Variants in ATXN1 observed in about 807,000 individuals in gnomAD.
The protein encoded by ATXN1 is ataxin-1.
A neutral mutation model predicts 56.4 loss-of-function variants in ATXN1; 8 were observed. The ratio of observed to expected loss-of-function variants is 0.14; its 90% CI spans 0.08 to 0.26. The LOEUF (loss-of-function observed/expected upper bound fraction) is 0.26. Among genes scored for constraint, ATXN1 ranks in the 10% least tolerant of loss-of-function variants. ATXN1 has a pLI of 1.00. For synonymous variants in ATXN1, 514 were observed against 494.6 expected, an observed-to-expected ratio of 1.04 and a Z score of -0.52; for missense variants, 987 against 1,106.5, an observed-to-expected ratio of 0.89 and a Z score of 1.53.
At chr6:16,628,616 C>T (rs1171615559) in intron 3 of ATXN1, among the ~76,000 whole-genome samples, 2 of 152,178 alleles carry the variant, frequency 1.3e-5, no homozygotes, top group African/African-American at 4.8e-5. Flanking sequence ...CTTCCTCCTC[C>T]ACCCTCTACC....
chr6:16,698,938 T>G (rs1369001959), intron 2 of ATXN1, among the ~76,000 whole-genome samples: 1 of 152,242 alleles, frequency 6.6e-6, no homozygotes, highest in Non-Finnish European at 1.5e-5. Context: ...TCAACTAAGC[T>G]AATTTTTTAA....
At chr6:16,334,892 C>A (rs148345549) in intron 6 of ATXN1, among the ~76,000 whole-genome samples, 1 of 152,228 alleles carries the variant, frequency 6.6e-6, no homozygotes, top group Non-Finnish European at 1.5e-5. Flanking sequence ...TGAGTAACAG[C>A]TGAGACAACT....
rs1216730632 is a variant in ATXN1 at position 16,304,145 on chromosome 6, C to A, written c.*2184G>T. On this transcript the variant is annotated 3_prime_UTR_variant, in exon 8 of 8. Coordinates refer to ENST00000436367, the MANE Select transcript of ATXN1 (RefSeq NM_001128164.2). ...ACCCTAAATGTAAATGAATACTAGACAGCCAAAATGTGGGTTGATACCAGA... is the reference window on the plus strand; with the variant it reads ...ACCCTAAATGTAAATGAATACTAGAAAGCCAAAATGTGGGTTGATACCAGA... 1 of 152,320 alleles carries A rather than the reference C, an allele frequency of 6.6e-6. No individual in the cohort carries two copies. Among genetic ancestry groups the A allele is most frequent in the Non-Finnish European group, 1.5e-5 (1 of 68,008 alleles). 9.4% of individuals were successfully genotyped at this position (152,320 alleles called of 1,614,324 possible).
intron 6 of ATXN1, among the ~76,000 whole-genome samples, chr6:16,415,848 G>A (rs1223992168): frequency 1.3e-5 from 2 of 152,154 alleles, no homozygotes; most frequent in African/African-American, 2.4e-5. Flanking sequence ...TCATGCTGTA[G>A]GTAGGGAACA....
chr6:16,495,689 C>T (rs1341652508), intron 5 of ATXN1, among the ~76,000 whole-genome samples: 1 of 151,944 alleles, frequency 6.6e-6, no homozygotes, highest in Non-Finnish European at 1.5e-5. Flanking sequence ...ATGGTGAAAC[C>T]CTGTCTCTAC....
chr6:16,548,658 G>A (rs1426011130), intron 4 of ATXN1, among the ~76,000 whole-genome samples: 1 of 151,844 alleles, frequency 6.6e-6, no homozygotes, highest in East Asian at 1.9e-4. Flanking sequence ...GAGCAGTGGT[G>A]CACACCTGTA....
intron 6 of ATXN1, among the ~76,000 whole-genome samples, chr6:16,468,112 G>C (rs1345878162): frequency 6.6e-6 from 1 of 152,212 alleles, no homozygotes; most frequent in East Asian, 1.9e-4. Flanking sequence ...ACATTACTAA[G>C]AACTAATAAA....
At chr6:16,544,397 C>A (rs760490999) in intron 4 of ATXN1, among the ~76,000 whole-genome samples, 4 of 152,150 alleles carry the variant, frequency 2.6e-5, no homozygotes, top group Non-Finnish European at 4.4e-5. Flanking sequence ...ATCCGCAGGT[C>A]GGGACCCTCC....
intron 6 of ATXN1, among the ~76,000 whole-genome samples, chr6:16,358,787 TC>T (rs949976646): frequency 1.3e-5 from 2 of 152,164 alleles, no homozygotes; most frequent in African/African-American, 4.8e-5. Context: ...CAGCTGTAGA[TC>T]CGAGTCTCCC....
intron 2 of ATXN1, among the ~76,000 whole-genome samples, chr6:16,707,561 T>C (rs1462968802): frequency 6.6e-6 from 1 of 152,186 alleles, no homozygotes; most frequent in East Asian, 1.9e-4. Context: ...TTTCTAAAAG[T>C]AGAAGTCATT....
At chr6:16,663,482 G>C (rs73725213) in intron 2 of ATXN1, among the ~76,000 whole-genome samples, 5,600 of 152,120 alleles carry the variant, frequency 0.037, 120 homozygotes, top group South Asian at 0.076. Context: ...ATAGACATGT[G>C]AAATACAGAA....
intron 2 of ATXN1, among the ~76,000 whole-genome samples, chr6:16,724,201 A>G (rs954945519): frequency 1.3e-5 from 2 of 152,164 alleles, no homozygotes; most frequent in African/African-American, 4.8e-5. Flanking sequence ...AAATATGGAA[A>G]AACTTCATGA....
At chr6:16,411,261 T>C (rs7774490) in intron 6 of ATXN1, among the ~76,000 whole-genome samples, 131,863 of 152,046 alleles carry the variant, frequency 0.87, 57,587 homozygotes, top group East Asian at 0.99. Context: ...TATGCATAAT[T>C]AATAATAATA....
chr6:16,597,440 ATT>A (rs375525131), intron 3 of ATXN1, among the ~76,000 whole-genome samples: 10,082 of 143,020 alleles, frequency 0.07, 464 homozygotes, highest in East Asian at 0.14. Context: ...GCATAAATCT[ATT>A]TTTTTTTTTT....
chr6:16,518,795 C>A (rs73368709), intron 5 of ATXN1, among the ~76,000 whole-genome samples: 1 of 152,026 alleles, frequency 6.6e-6, no homozygotes, highest in Non-Finnish European at 1.5e-5. Context: ...ATCCCAAAGA[C>A]AAATTCAATA....
intron 6 of ATXN1, among the ~76,000 whole-genome samples, chr6:16,409,591 T>C (rs1315659771): frequency 7.1e-6 from 1 of 141,684 alleles, no homozygotes; most frequent in Non-Finnish European, 1.5e-5. Context: ...AGGTGGAGGC[T>C]ACAGTGAGCT....
chr6:16,709,034 AAAAAG>A lies in ATXN1; in HGVS notation c.-615+44194_-615+44198del, dbSNP rs528858840. On this transcript the variant is annotated intron_variant, in intron 2 of 7. Coordinates refer to ENST00000436367, the MANE Select transcript of ATXN1 (RefSeq NM_001128164.2). ...GAGCGAAACTCTGTCTCAAAAAAAA[AAAAAG>A]AAAAGAAAAGAAAAAGAGAAAGGAA... 8.1e-3 allele frequency among the ~76,000 whole-genome samples: 1,227 copies of A among 151,840 alleles called. 15 individuals are homozygous for A. Among genetic ancestry groups the A allele is most frequent in the African/African-American group, 0.027 (1,130 of 41,388 alleles).
intron 6 of ATXN1, among the ~76,000 whole-genome samples, chr6:16,474,830 G>GTGCA (rs1183579155): frequency 3.5e-5 from 5 of 141,870 alleles, no homozygotes; most frequent in African/African-American, 1.3e-4. Context: ...GCATATGTGT[G>GTGCA]TGCATACACA....
intron 2 of ATXN1, among the ~76,000 whole-genome samples, chr6:16,725,866 T>A (rs1284010048): frequency 6.6e-6 from 1 of 152,160 alleles, no homozygotes; most frequent in Non-Finnish European, 1.5e-5. Context: ...TCAATTCAGA[T>A]CCAAGTACAC....
Sources: allele counts gnomAD v4.1 joint callset (sites outside exome capture counted in the v4.1 genomes callset), GRCh38; gene constraint gnomAD v4.1.1; transcripts MANE v1.5; gene names NCBI Gene and HGNC (gene_info 2026-07-23, HGNC 2026-07-21).